Variants in ZNF236 observed in about 807,000 individuals in gnomAD.
The protein encoded by ZNF236 is zinc finger protein 236.
Under a neutral mutation model 191.2 loss-of-function variants are expected in ZNF236, and 50 were observed. The ratio of observed to expected loss-of-function variants is 0.26; its 90% CI spans 0.21 to 0.33. ZNF236 has a LOEUF of 0.33. Among genes scored for constraint, ZNF236 ranks in the 10% least tolerant of loss-of-function variants. The probability of loss-of-function intolerance (pLI) is 1.00; values close to 1 mark genes in which losing one functional copy is unlikely to be tolerated. For missense variants in ZNF236, 1,754 were observed against 2,374.5 expected (o/e 0.74, Z 5.43); for synonymous variants, 907 against 928.8 (o/e 0.98, Z 0.43).
intron 4 of ZNF236, 33 bp downstream of exon 4, chr18:76,868,896 C>T: frequency 1.9e-6 from 3 of 1,551,712 alleles, no homozygotes; most frequent in African/African-American, 1.4e-5. Flanking sequence ...GGTCAAAAAT[C>T]CATCTAATAT....
chr18:76,878,271 A>G (rs1186937598), intron 7 of ZNF236, 119 bp downstream of exon 7: 1 of 902,960 alleles, frequency 1.1e-6, no homozygotes, highest in East Asian at 2.7e-5. Flanking sequence ...TATATGGAGA[A>G]AAGGTGCTAC....
chr18:76,845,047 T>C (rs571153610), intron 1 of ZNF236, among the ~76,000 whole-genome samples: 8 of 152,228 alleles, frequency 5.3e-5, no homozygotes, highest in Non-Finnish European at 1.0e-4. Flanking sequence ...AACTGTGAGA[T>C]AGGCTTTCTT....
intron 9 of ZNF236, chr18:76,888,005 T>C (rs144078510): frequency 1.6e-4 from 25 of 151,802 alleles, no homozygotes; most frequent in Non-Finnish European, 3.4e-4. Flanking sequence ...TCCACCAGGT[T>C]TGAATGCACT....
chr18:76,929,524 A>T (rs140096585), intron 25 of ZNF236, among the ~76,000 whole-genome samples: 131 of 152,316 alleles, frequency 8.6e-4, no homozygotes, highest in Admixed American at 2.5e-3. Context: ...TGTATTCTTC[A>T]GTTTGTGGAT....
rs1968610382 is a variant in ZNF236, at chr18:76,959,573, C to A, written c.5113-114C>A. On this transcript the variant is annotated intron_variant, in intron 28 of 30. Coordinates refer to ENST00000320610, the MANE Select transcript of ZNF236 (RefSeq NM_001306089.2). The stretch of plus-strand genomic sequence containing the variant: ...TTAAGAACACAAATCACAGATTAGC[C>A]TTTGATTTTGTCCTTGCCACTGACT... The A allele has an allele frequency of 3.1e-6, 4 of 1,270,510 alleles. No individual in the cohort carries two copies. The Admixed American group carries it at 1.1e-4, about 35-fold the overall frequency. The allele number at this position is 1,270,510 out of a possible 1,614,324, so 78.7% of individuals were successfully genotyped here.
chr18:76,847,681 G>A (rs1297282173), intron 1 of ZNF236, among the ~76,000 whole-genome samples: 3 of 152,140 alleles, frequency 2.0e-5, no homozygotes, highest in Non-Finnish European at 4.4e-5. Context: ...GTGTTAGCCA[G>A]GATGGTCTTG....
At chr18:76,862,827 T>A (rs1976283578) in intron 3 of ZNF236, among the ~76,000 whole-genome samples, 1 of 152,132 alleles carries the variant, frequency 6.6e-6, no homozygotes, top group South Asian at 2.1e-4. Context: ...GTCCCACAGT[T>A]TAACACCCAA....
chr18:76,963,924 C>T (rs1257136015), intron 30 of ZNF236, among the ~76,000 whole-genome samples: 1 of 152,086 alleles, frequency 6.6e-6, no homozygotes, highest in Non-Finnish European at 1.5e-5. Context: ...TGATAGCTCC[C>T]ATTTCGCTTC....
At chr18:76,865,367 A>G (rs1020253028) in intron 3 of ZNF236, among the ~76,000 whole-genome samples, 9 of 152,082 alleles carry the variant, frequency 5.9e-5, no homozygotes, top group African/African-American at 2.2e-4. Flanking sequence ...AACAAAAAAA[A>G]CCTCTCATAT....
rs932635848 is a variant in ZNF236, at chr18:76,959,728, C to T, written c.5154C>T (p.Ser1718=). ...QTHQAGPSLS[S]QKPRVFKCDT... ...ACCAGGCCGGCCCCTCTTTGAGCTCCCAGAAGCCAAGAGTGTTTAAATGTG... is the reference window on the plus strand; with the variant it reads ...ACCAGGCCGGCCCCTCTTTGAGCTCTCAGAAGCCAAGAGTGTTTAAATGTG... Residue 1718 remains serine, a synonymous_variant, in exon 29 of 31, where the codon TCC becomes TCT. Transcript: ENST00000320610. 1.9e-6 allele frequency: 3 copies of T among 1,613,704 alleles called. No individual in the cohort carries two copies. The highest frequency in any genetic ancestry group is 2.7e-5 in the African/African-American group (2 of 74,896).
chr18:76,964,739 G>A (rs150291300), intron 30 of ZNF236, among the ~76,000 whole-genome samples: 217 of 152,264 alleles, frequency 1.4e-3, no homozygotes, highest in Non-Finnish European at 2.7e-3. Flanking sequence ...AAATTTGGGA[G>A]CTCCAGTGTT....
chr18:76,896,067 C>T lies in ZNF236; in HGVS notation c.1690+782C>T, dbSNP rs549742111. Among the ~76,000 whole-genome samples the T allele has an allele frequency of 9.7e-4, 147 of 151,432 alleles. 2 individuals are homozygous for T. Among genetic ancestry groups the T allele is most frequent in the Middle Eastern group, 3.4e-3 (1 of 292 alleles). ...ACTAAACTCAGTATCAAGCACAGTACCAAACACAGTACTAAATACAGGTAC... is the reference window on the plus strand; with the variant it reads ...ACTAAACTCAGTATCAAGCACAGTATCAAACACAGTACTAAATACAGGTAC... On this transcript the variant is annotated intron_variant, in intron 10 of 30. Transcript: ENST00000320610.
In ZNF236 at chr18:76,880,027, G is replaced by A. The variant is rs1324698457; in HGVS notation, c.985-86G>A. 2.6e-6 allele frequency: 3 copies of A among 1,142,664 alleles called. No homozygotes were observed. The South Asian group carries it at 4.6e-5, about 17-fold the overall frequency. The allele number at this position is 1,142,664 out of a possible 1,614,324, so 70.8% of individuals were successfully genotyped here. ...TTAGATTTTAACACCCTTAAGGAGGGTATTGCCTGTTTTTTTTTTTTTAAT... is the reference window on the plus strand; with the variant it reads ...TTAGATTTTAACACCCTTAAGGAGGATATTGCCTGTTTTTTTTTTTTTAAT... On this transcript the variant is annotated intron_variant, in intron 7 of 30. Transcript: ENST00000320610. This position sits in a 1 kb window ranked among gnomAD's most constrained non-coding sequence, Gnocchi z 5.0.
chr18:76,926,104 C>A (rs1207709151), intron 22 of ZNF236, among the ~76,000 whole-genome samples: 1 of 152,138 alleles, frequency 6.6e-6, no homozygotes, highest in Non-Finnish European at 1.5e-5. Flanking sequence ...TGTTTTGAAC[C>A]TTTGGCTAAT....
intron 1 of ZNF236, among the ~76,000 whole-genome samples, chr18:76,827,543 T>C (rs550403187): frequency 1.3e-5 from 2 of 152,278 alleles, no homozygotes; most frequent in East Asian, 3.9e-4. Context: ...GGGTCTAGAA[T>C]ACAAAGCTGA....
At chr18:76,945,398 T>C (rs946216068) in intron 26 of ZNF236, among the ~76,000 whole-genome samples, 1 of 152,178 alleles carries the variant, frequency 6.6e-6, no homozygotes, top group Non-Finnish European at 1.5e-5. Flanking sequence ...AACAGACATG[T>C]CACAAAAAAG....
At chr18:76,948,612 G>T (rs1270088620) in intron 27 of ZNF236, among the ~76,000 whole-genome samples, 1 of 152,210 alleles carries the variant, frequency 6.6e-6, no homozygotes, top group Non-Finnish European at 1.5e-5. Flanking sequence ...AGAGAACCCA[G>T]GCACGAGCTT....
In ZNF236 at chr18:76,880,466, A is replaced by G; in HGVS notation, c.1188+150A>G. On this transcript the variant is annotated intron_variant, in intron 8 of 30. Coordinates refer to ENST00000320610, the MANE Select transcript of ZNF236 (RefSeq NM_001306089.2). This position sits in a 1 kb window ranked among gnomAD's most constrained non-coding sequence, Gnocchi z 5.0. ...TGAACCGAAAGAAATTAATATGCCT[A>G]CTTAATTGCTTATGGACGGCGCAAC... is the stretch of plus-strand genomic sequence containing the variant. The G allele has an allele frequency of 1.3e-6, 1 of 747,238 alleles. No homozygotes were observed. Among genetic ancestry groups the G allele is most frequent in the East Asian group, 2.9e-5 (1 of 34,508 alleles). 46.3% of individuals were successfully genotyped at this position (747,238 alleles called of 1,614,324 possible). A position where few individuals can be genotyped will look rare whatever the true frequency, so the allele number is the denominator to read the frequency against.
chr18:76,869,602 T>C (rs778816916), intron 4 of ZNF236, among the ~76,000 whole-genome samples: 1 of 152,246 alleles, frequency 6.6e-6, no homozygotes, highest in Non-Finnish European at 1.5e-5. Flanking sequence ...TTGCTCAAGT[T>C]AGCTAATGGT....
Sources: gnomAD v4.1 joint callset for allele counts (sites outside exome capture counted in the v4.1 genomes callset) on GRCh38, gnomAD v4.1.1 for gene constraint, Gnocchi (gnomAD v3.1) non-coding constraint, MANE v1.5 for transcripts, NCBI Gene and HGNC (gene_info 2026-07-23, HGNC 2026-07-21) for gene names.